The following SP3 variants were observed in gnomAD, a reference collection of about 807,000 sequenced individuals.
SP3 encodes the protein transcription factor Sp3.
SP3 carries 10 observed loss-of-function variants against 70.3 expected under a neutral mutation model. That is an observed-to-expected ratio of 0.14 (90% CI 0.09 to 0.24). The LOEUF (loss-of-function observed/expected upper bound fraction) is 0.24. Among genes scored for constraint, SP3 ranks in the 10% least tolerant of loss-of-function variants. The pLI is 1.00. For missense variants in SP3, 825 were observed against 914.6 expected (o/e 0.90, Z 1.26); for synonymous variants, 402 against 333.5 (o/e 1.21, Z -2.24).
rs181085119 is a variant in SP3 at position 173,902,922 on chromosome 2, A to G, written c.*7019T>C. Among the ~76,000 whole-genome samples, 13 of 152,350 alleles carry G rather than the reference A, an allele frequency of 8.5e-5. 1 individual carries two copies. The highest frequency in any genetic ancestry group is 8.3e-4 in the South Asian group (4 of 4,834). Reference sequence around the variant, plus strand: ...CACAACTGTGATCATTCCTTTCTAAAAGAAAAAATATATAGGTAAAAATAA... The same window carrying G: ...CACAACTGTGATCATTCCTTTCTAAGAGAAAAAATATATAGGTAAAAATAA... On this transcript the variant is annotated 3_prime_UTR_variant, in exon 7 of 7. Coordinates refer to ENST00000310015, the MANE Select transcript of SP3 (RefSeq NM_003111.5).
Position 173,907,344 on chromosome 2 carries a change from T to C in SP3, c.*2597A>G, listed in dbSNP as rs1689358056. ...TAATAGGTTTTATAACCAGAAAAAGTTGACATCAGAGCAAATCTTCAAATG... is the reference window on the plus strand; with the variant it reads ...TAATAGGTTTTATAACCAGAAAAAGCTGACATCAGAGCAAATCTTCAAATG... On this transcript the variant is annotated 3_prime_UTR_variant, in exon 7 of 7. Transcript: ENST00000310015. 6.6e-6 allele frequency: 1 copy of C among 152,126 alleles called. No homozygotes were observed. Among genetic ancestry groups the C allele is most frequent in the African/African-American group, 2.4e-5 (1 of 41,442 alleles). 9.4% of individuals were successfully genotyped at this position (152,126 alleles called of 1,614,324 possible). A position where few individuals can be genotyped will look rare whatever the true frequency, so the allele number is the denominator to read the frequency against.
rs1690834448 is a variant in SP3 at position 173,955,043 on chromosome 2, G to A, written c.1469C>T (p.Thr490Met). 2.5e-6 allele frequency: 4 copies of A among 1,614,184 alleles called. No individual in the cohort carries two copies. The highest frequency in any genetic ancestry group is 3.4e-6 in the Non-Finnish European group (4 of 1,180,028). Residue 490 changes from threonine to methionine, a missense_variant, in exon 4 of 7, where the codon ACG (threonine) becomes ATG (methionine). Coordinates refer to ENST00000310015, the MANE Select transcript of SP3 (RefSeq NM_003111.5). ...ACCAAGTGTGAGGGTTTGAACAGGCGTCAAAGTTATTTGTTGGGCAGCAGT... is the reference window on the plus strand; with the variant it reads ...ACCAAGTGTGAGGGTTTGAACAGGCATCAAAGTTATTTGTTGGGCAGCAGT... ...QNTAAQQITL[T>M]PVQTLTLGQV...
At chr2:173,942,728 T>C (rs375788853) in intron 4 of SP3, among the ~76,000 whole-genome samples, 34 of 152,160 alleles carry the variant, frequency 2.2e-4, no homozygotes, top group African/African-American at 8.2e-4. Context: ...ACAGACTTAA[T>C]TCCCACTTTA....
intron 4 of SP3, among the ~76,000 whole-genome samples, chr2:173,944,553 G>A (rs185720475): frequency 6.6e-6 from 1 of 152,154 alleles, no homozygotes; most frequent in Non-Finnish European, 1.5e-5. Context: ...TACAAAAATT[G>A]TCCCCAAGAA....
intron 4 of SP3, among the ~76,000 whole-genome samples, chr2:173,938,806 G>A (rs1690281236): frequency 6.6e-6 from 1 of 152,182 alleles, no homozygotes; most frequent in African/African-American, 2.4e-5. Context: ...AAAGTGCTGT[G>A]GGGTTCAATG....
intron 4 of SP3, among the ~76,000 whole-genome samples, chr2:173,949,517 C>T (rs1196340907): frequency 6.6e-6 from 1 of 152,024 alleles, no homozygotes; most frequent in African/African-American, 2.4e-5. Flanking sequence ...CTTTCCTATC[C>T]AACCGTGAGA....
At chr2:173,921,836 CACT>C (rs1339620311) in intron 4 of SP3, among the ~76,000 whole-genome samples, 1 of 152,102 alleles carries the variant, frequency 6.6e-6, no homozygotes, top group African/African-American at 2.4e-5. Context: ...GGTTTAGCAC[CACT>C]GTCTTGGCAC....
At chr2:173,938,804 G>C (rs1256647317) in intron 4 of SP3, among the ~76,000 whole-genome samples, 2 of 152,220 alleles carry the variant, frequency 1.3e-5, no homozygotes, top group Non-Finnish European at 2.9e-5. Context: ...CTAAAGTGCT[G>C]TGGGGTTCAA....
chr2:173,964,327 C>T (rs1280872400), intron 2 of SP3, 78 bp downstream of exon 2: 3 of 597,460 alleles, frequency 5.0e-6, no homozygotes, highest in Non-Finnish European at 8.9e-6. Flanking sequence ...AGGGGTGAGG[C>T]GAGGAGGGAG....
chr2:173,917,362 TAGA>T (rs1301151365), intron 5 of SP3, among the ~76,000 whole-genome samples: 3 of 152,070 alleles, frequency 2.0e-5, no homozygotes, highest in Non-Finnish European at 4.4e-5. Flanking sequence ...GGATCAGATG[TAGA>T]AGGAGAGTCA....
chr2:173,906,394 A>G lies in SP3; in HGVS notation c.*3547T>C, dbSNP rs542953748. On this transcript the variant is annotated 3_prime_UTR_variant, in exon 7 of 7. Transcript: ENST00000310015. ...CAAAAATATCAAATTTGTACCAAAG[A>G]TATCAATTAATTTGTTTTGTGCTTA... 5 of 152,348 alleles carry G rather than the reference A, an allele frequency of 3.3e-5. No individual in the cohort carries two copies. The East Asian group carries it at 5.8e-4, about 18-fold the overall frequency. 9.4% of individuals were successfully genotyped at this position (152,348 alleles called of 1,614,324 possible).
chr2:173,957,375 C>G (rs941090827), intron 3 of SP3, among the ~76,000 whole-genome samples: 1 of 151,956 alleles, frequency 6.6e-6, no homozygotes. Context: ...GATCAAAACA[C>G]TCTGTGGAAG....
At chr2:173,958,996 C>T (rs1690978703) in intron 3 of SP3, among the ~76,000 whole-genome samples, 1 of 152,118 alleles carries the variant, frequency 6.6e-6, no homozygotes, top group Admixed American at 6.5e-5. Flanking sequence ...ATTTGAAAAA[C>T]ATCCATTAAA....
At chr2:173,920,978 C>G (rs1166912365) in intron 4 of SP3, among the ~76,000 whole-genome samples, 1 of 152,062 alleles carries the variant, frequency 6.6e-6, no homozygotes, top group Non-Finnish European at 1.5e-5. Context: ...ACATATATGA[C>G]TGAGTACAGG....
At chr2:173,923,934 G>A (rs1418477337) in intron 4 of SP3, among the ~76,000 whole-genome samples, 1 of 151,724 alleles carries the variant, frequency 6.6e-6, no homozygotes, top group African/African-American at 2.4e-5. Flanking sequence ...TATTTCAGAG[G>A]TACCAAGTTT....
chr2:173,914,241 AAAC>A (rs1689568232), intron 5 of SP3: 2 of 152,200 alleles, frequency 1.3e-5, no homozygotes, highest in South Asian at 4.1e-4. Flanking sequence ...ACTTTGGACA[AAAC>A]AATTTGTATA....
intron 4 of SP3, among the ~76,000 whole-genome samples, chr2:173,929,508 C>T (rs1466701719): frequency 6.6e-6 from 1 of 152,172 alleles, no homozygotes; most frequent in Non-Finnish European, 1.5e-5. Context: ...ACACACAATA[C>T]ACACTGACAG....
At chr2:173,912,180 C>T (rs974476216) in intron 6 of SP3, among the ~76,000 whole-genome samples, 2 of 152,194 alleles carry the variant, frequency 1.3e-5, no homozygotes, top group African/African-American at 4.8e-5. Flanking sequence ...ATCTGTCTAC[C>T]TACCCAATGA....
chr2:173,947,256 T>C (rs2105489386), intron 4 of SP3, among the ~76,000 whole-genome samples: 1 of 152,342 alleles, frequency 6.6e-6, no homozygotes, highest in East Asian at 1.9e-4. Context: ...TATTCTTTTC[T>C]TCTGAAATTC....
Sources: gnomAD v4.1 joint callset for allele counts (sites outside exome capture counted in the v4.1 genomes callset) on GRCh38, gnomAD v4.1.1 for gene constraint, MANE v1.5 for transcripts, NCBI Gene and HGNC (gene_info 2026-07-23, HGNC 2026-07-21) for gene names.